Variants in SLC8A1 observed in about 807,000 individuals in gnomAD.
The protein encoded by SLC8A1 is sodium/calcium exchanger 1.
Under a neutral mutation model 68.3 loss-of-function variants are expected in SLC8A1, and 18 were observed. That is an observed-to-expected ratio of 0.26 (90% CI 0.18 to 0.39). SLC8A1 has a LOEUF of 0.39. Ranked by LOEUF, SLC8A1 falls within the 10% of genes least tolerant of loss-of-function variation. SLC8A1 has a pLI of 1.00. For synonymous variants in SLC8A1, 475 were observed against 415.5 expected, an observed-to-expected ratio of 1.14 and a Z score of -1.74; for missense variants, 985 against 1,156.7, an observed-to-expected ratio of 0.85 and a Z score of 2.15.
chr2:40,201,625 G>T (rs956966754), intron 2 of SLC8A1, among the ~76,000 whole-genome samples: 1 of 151,872 alleles, frequency 6.6e-6, no homozygotes, highest in African/African-American at 2.4e-5. Flanking sequence ...GACTATTCTG[G>T]CTTGAAGAAC....
intron 5 of SLC8A1, among the ~76,000 whole-genome samples, chr2:40,162,703 T>C (rs2045896340): frequency 6.6e-6 from 1 of 152,292 alleles, no homozygotes; most frequent in East Asian, 1.9e-4. Context: ...ACACCTGAAC[T>C]TGGACACTGT....
intron 2 of SLC8A1, among the ~76,000 whole-genome samples, chr2:40,353,870 G>C (rs1671873439): frequency 6.6e-6 from 1 of 152,170 alleles, no homozygotes; most frequent in Non-Finnish European, 1.5e-5. Flanking sequence ...CACCAGATTA[G>C]AATCTACTTC....
At chr2:40,507,383 C>A (rs548877732) in intron 1 of SLC8A1, among the ~76,000 whole-genome samples, 1 of 151,930 alleles carries the variant, frequency 6.6e-6, no homozygotes, top group Non-Finnish European at 1.5e-5. Context: ...CTACTCAACA[C>A]TTTGGAAATG....
upstream of SLC8A1, among the ~76,000 whole-genome samples, chr2:40,452,283 C>A (rs1398588024): frequency 2.0e-5 from 3 of 151,660 alleles, no homozygotes; most frequent in East Asian, 5.8e-4. Flanking sequence ...CTGCGCGCCC[C>A]TTGGGCTCCC....
At chr2:40,375,865 A>G (rs573518593) in intron 2 of SLC8A1, among the ~76,000 whole-genome samples, 1 of 152,122 alleles carries the variant, frequency 6.6e-6, no homozygotes, top group African/African-American at 2.4e-5. Context: ...AGCTGGGCGC[A>G]GTGGTGCACA....
intron 2 of SLC8A1, among the ~76,000 whole-genome samples, chr2:40,372,637 T>G (rs2149515203): frequency 6.6e-6 from 1 of 152,266 alleles, no homozygotes; most frequent in Admixed American, 6.5e-5. Flanking sequence ...CTAGAAAGAC[T>G]GTTTCTTGAA....
intron 2 of SLC8A1, among the ~76,000 whole-genome samples, chr2:40,414,846 G>GA (rs1199685777): frequency 2.6e-5 from 4 of 151,972 alleles, no homozygotes; most frequent in Admixed American, 1.3e-4. Flanking sequence ...AAATCACCTT[G>GA]AAAAAAATAC....
chr2:40,184,898 C>CAAAAAAAAAAAAAAAA (rs66662572), intron 2 of SLC8A1, among the ~76,000 whole-genome samples: 2 of 106,528 alleles, frequency 1.9e-5, no homozygotes, highest in African/African-American at 3.6e-5. Context: ...TAACCAAAAA[C>CAAAAAAAAAAAAAAAA]AAAAAAAAAA....
At chr2:40,200,224 TTA>T (rs1223851763) in intron 2 of SLC8A1, among the ~76,000 whole-genome samples, 10 of 4,548 alleles carry the variant, frequency 2.2e-3, no homozygotes, top group East Asian at 0.019. Context: ...ATATATTTTT[TTA>T]TATATATATA....
At chr2:40,400,876 G>A (rs750281073) in intron 2 of SLC8A1, among the ~76,000 whole-genome samples, 3 of 152,162 alleles carry the variant, frequency 2.0e-5, no homozygotes, top group Non-Finnish European at 2.9e-5. Flanking sequence ...CGTGTAATAA[G>A]CAAAGGCAGG....
At chr2:40,207,773 G>A (rs1241602489) in intron 2 of SLC8A1, among the ~76,000 whole-genome samples, 3 of 152,126 alleles carry the variant, frequency 2.0e-5, no homozygotes, top group Non-Finnish European at 2.9e-5. Context: ...GCTAGAAAAT[G>A]TGTTAAGTTG....
chr2:40,127,073 A>G (rs2038271166), intron 7 of SLC8A1, among the ~76,000 whole-genome samples: 1 of 152,210 alleles, frequency 6.6e-6, no homozygotes. Flanking sequence ...AAACCACTTG[A>G]AAATTTGAGG....
intron 2 of SLC8A1, among the ~76,000 whole-genome samples, chr2:40,397,087 A>C (rs927397542): frequency 3.9e-5 from 6 of 152,200 alleles, no homozygotes; most frequent in African/African-American, 1.4e-4. Context: ...AGTTAATTTT[A>C]TTGAACAGAA....
chr2:40,134,307 G>T (rs371752889), intron 7 of SLC8A1, among the ~76,000 whole-genome samples: 46 of 152,130 alleles, frequency 3.0e-4, no homozygotes, highest in African/African-American at 1.1e-3. Context: ...GGCCAGGTTG[G>T]TCTTGAACTC....
chr2:40,154,525 C>T (rs1402121983), intron 6 of SLC8A1, among the ~76,000 whole-genome samples: 4 of 130,494 alleles, frequency 3.1e-5, no homozygotes, highest in East Asian at 2.2e-4. Context: ...GATGGGGTTT[C>T]ACCGTGTTAG....
chr2:40,271,363 A>G (rs2066006214), intron 2 of SLC8A1, among the ~76,000 whole-genome samples: 1 of 151,858 alleles, frequency 6.6e-6, no homozygotes, highest in South Asian at 2.1e-4. Flanking sequence ...CTCCCTCTGC[A>G]TGGAAGGGTT....
intron 2 of SLC8A1, among the ~76,000 whole-genome samples, chr2:40,180,884 A>T (rs367684937): frequency 1.0e-4 from 1 of 9,614 alleles, no homozygotes; most frequent in Non-Finnish European, 4.6e-4. Flanking sequence ...ACAAATAAAT[A>T]AATCACCAAA....
Position 40,348,220 on chromosome 2 carries a change from C to G in SLC8A1, c.1808+80253G>C, listed in dbSNP as rs552239586. On this transcript the variant is annotated intron_variant, in intron 2 of 7. Transcript: ENST00000406785. ...ATCTGAGTTCAAACTGCAGTTCCCA[C>G]CAGCTGGAATCCACAGGGCAAGTCA... Among the ~76,000 whole-genome samples, 9 of 152,294 alleles carry G rather than the reference C, an allele frequency of 5.9e-5. No individual in the cohort carries two copies. The South Asian group carries it at 1.5e-3, about 25-fold the overall frequency.
At chr2:40,446,176 A>G (rs1701412394) in intron 1 of SLC8A1, among the ~76,000 whole-genome samples, 1 of 152,218 alleles carries the variant, frequency 6.6e-6, no homozygotes, top group African/African-American at 2.4e-5. Context: ...ATCACCTTTA[A>G]TAAAGGAACA....
Sources: allele counts gnomAD v4.1 joint callset (sites outside exome capture counted in the v4.1 genomes callset), GRCh38; gene constraint gnomAD v4.1.1; transcripts MANE v1.5; gene names NCBI Gene and HGNC (gene_info 2026-07-23, HGNC 2026-07-21).